The following EIF2AK4 variants were observed in gnomAD, a reference collection of about 807,000 sequenced individuals.
EIF2AK4 encodes eukaryotic translation initiation factor 2 alpha kinase 4, also known as eIF-2-alpha kinase GCN2.
In EIF2AK4, 139 loss-of-function variants were observed where a neutral mutation model predicts 211.1. That is an observed-to-expected ratio of 0.66 (90% CI 0.57 to 0.76). The LOEUF (loss-of-function observed/expected upper bound fraction) is 0.76, where lower values mean the gene tolerates loss of function less well. Ranked by LOEUF, EIF2AK4 falls within the 30% of genes least tolerant of loss-of-function variation. The pLI, the probability that EIF2AK4 is intolerant of heterozygous loss-of-function variation, is 0.00. For synonymous variants in EIF2AK4, 710 were observed against 751.3 expected (o/e 0.94, Z 0.90); for missense variants, 1,664 against 2,043.8 (o/e 0.81, Z 3.58).
At chr15:40,022,734 T>G in intron 32 of EIF2AK4, 129 bp downstream of exon 32, 1 of 741,024 alleles carries the variant, frequency 1.3e-6, no homozygotes, top group South Asian at 2.0e-5. Context: ...TTTCCATTGT[T>G]GGGTTTCTTT....
intron 1 of EIF2AK4, among the ~76,000 whole-genome samples, chr15:39,935,456 A>T (rs971575597): frequency 6.6e-6 from 1 of 152,046 alleles, no homozygotes; most frequent in African/African-American, 2.4e-5. Flanking sequence ...CAGCCTGTCA[A>T]GTACCTGGGA....
intron 13 of EIF2AK4, among the ~76,000 whole-genome samples, chr15:39,981,211 A>C (rs2140921650): frequency 6.6e-6 from 1 of 152,200 alleles, no homozygotes; most frequent in East Asian, 1.9e-4. Context: ...CTCTACTAAA[A>C]ATACAAAAAT....
rs370719364 is a variant in EIF2AK4 at position 39,973,017 on chromosome 15, G to T, written c.1660+3G>T. On this transcript the variant is annotated splice_donor_region_variant and intron_variant, in intron 10 of 38. Transcript: ENST00000263791. ...TCTAGTGGAACAAAGTCCTGAAGGT[G>T]AGTCTGTTACCTTTCTTTATTTGGT... is the stretch of plus-strand genomic sequence containing the variant. The T allele has an allele frequency of 6.2e-7, 1 of 1,611,266 alleles. No individual in the cohort carries two copies. The highest frequency in any genetic ancestry group is 8.5e-7 in the Non-Finnish European group (1 of 1,177,434).
intron 13 of EIF2AK4, among the ~76,000 whole-genome samples, chr15:39,979,807 G>T (rs1227597690): frequency 6.6e-6 from 1 of 152,128 alleles, no homozygotes; most frequent in African/African-American, 2.4e-5. Flanking sequence ...TTCAGCCACG[G>T]GACCAAAATT....
In EIF2AK4 at chr15:39,934,348, GTGGCTTGTCAGGCCCGGGC is replaced by G; in HGVS notation, c.144+14_144+32del. 2 of 1,601,750 alleles carry G rather than the reference GTGGCTTGTCAGGCCCGGGC, an allele frequency of 1.2e-6. No homozygotes were observed. Among genetic ancestry groups the G allele is most frequent in the Non-Finnish European group, 1.7e-6 (2 of 1,174,822 alleles). ...CGGACGCTTGCGGACCGGTAGGAAC[GTGGCTTGTCAGGCCCGGGC>G]TGGCGTGCCCTGGCCTCCCCGGGCC... On this transcript the variant is annotated intron_variant, in intron 1 of 38. Transcript: ENST00000263791.
rs192668890 is a variant in EIF2AK4 at position 39,992,075 on chromosome 15, C to G, written c.2632-100C>G. Reference sequence around the variant, plus strand: ...AAGCGTTATTATATTATTTTGATTTCCATGTAATATTTCCTCAGTCTTCAT... The same window carrying G: ...AAGCGTTATTATATTATTTTGATTTGCATGTAATATTTCCTCAGTCTTCAT... On this transcript the variant is annotated intron_variant, in intron 16 of 38. Coordinates refer to ENST00000263791, the MANE Select transcript of EIF2AK4 (RefSeq NM_001013703.4). 4.2e-4 allele frequency: 463 copies of G among 1,101,168 alleles called. 2 individuals are homozygous for G. Among genetic ancestry groups the G allele is most frequent in the Non-Finnish European group, 5.6e-4 (426 of 766,428 alleles). 68.2% of individuals were successfully genotyped at this position (1,101,168 alleles called of 1,614,324 possible).
intron 33 of EIF2AK4, among the ~76,000 whole-genome samples, chr15:40,026,610 A>T (rs1387480550): frequency 2.0e-5 from 3 of 152,208 alleles, no homozygotes; most frequent in African/African-American, 7.2e-5. Context: ...GCTTACATTC[A>T]ACATTTGTTC....
chr15:39,960,335 A>T (rs1409857628), intron 6 of EIF2AK4, among the ~76,000 whole-genome samples: 1 of 152,068 alleles, frequency 6.6e-6, no homozygotes, highest in East Asian at 1.9e-4. Flanking sequence ...TCCAGGAGAA[A>T]GTTGGAGATG....
intron 3 of EIF2AK4, among the ~76,000 whole-genome samples, chr15:39,945,403 C>T (rs2034213634): frequency 6.6e-6 from 1 of 152,186 alleles, no homozygotes; most frequent in Non-Finnish European, 1.5e-5. Flanking sequence ...TACGCCAAAG[C>T]ATAATCTGGA....
In EIF2AK4 at chr15:40,032,777, A is replaced by G; in HGVS notation, c.4749A>G (p.Thr1583=). 2 of 1,613,708 alleles carry G rather than the reference A, an allele frequency of 1.2e-6. No individual in the cohort carries two copies. The highest frequency in any genetic ancestry group is 1.7e-6 in the Non-Finnish European group (2 of 1,179,886). ...EILAVDLPKE[T]ILQFLSLEWD... ...CACAGGTGGATCTACCCAAAGAAAC[A>G]ATATTACAGTTTTTATCATTAGAGG... Residue 1583 remains threonine, a synonymous_variant, in exon 37 of 39, where the codon ACA becomes ACG. Coordinates refer to ENST00000263791, the MANE Select transcript of EIF2AK4 (RefSeq NM_001013703.4).
intron 19 of EIF2AK4, among the ~76,000 whole-genome samples, chr15:39,998,252 G>A (rs998479117): frequency 7.0e-6 from 1 of 143,648 alleles, no homozygotes; most frequent in South Asian, 2.2e-4. Context: ...TGGTATATGG[G>A]TGTGGTTTTT....
Position 39,948,936 on chromosome 15 carries a change from A to G in EIF2AK4, c.361-180A>G, listed in dbSNP as rs7169266. Among the ~76,000 whole-genome samples, 13,291 of 152,120 alleles carry G rather than the reference A, an allele frequency of 0.087. 1,050 individuals carry two copies. The highest frequency in any genetic ancestry group is 0.25 in the East Asian group (1,273 of 5,176). On this transcript the variant is annotated intron_variant, in intron 3 of 38. Transcript: ENST00000263791. Reference sequence around the variant, plus strand: ...ATAACACAATGCAATGGGCCCTTTAAAAGCTTTTTCCTGCTGTGATTATAT... The same window carrying G: ...ATAACACAATGCAATGGGCCCTTTAGAAGCTTTTTCCTGCTGTGATTATAT...
intron 24 of EIF2AK4, 65 bp downstream of exon 24, chr15:40,007,130 G>T: frequency 7.4e-7 from 1 of 1,357,170 alleles, no homozygotes; most frequent in South Asian, 1.2e-5. Context: ...TTGTCAACCA[G>T]GAAAGAATAT....
intron 4 of EIF2AK4, among the ~76,000 whole-genome samples, chr15:39,950,603 A>G (rs984367537): frequency 6.6e-6 from 1 of 151,802 alleles, no homozygotes; most frequent in South Asian, 2.1e-4. Context: ...AAAAAAAAAA[A>G]AAAGAAAAGA....
chr15:40,029,716 C>G (rs958204995), intron 34 of EIF2AK4, among the ~76,000 whole-genome samples: 4 of 152,182 alleles, frequency 2.6e-5, no homozygotes, highest in Non-Finnish European at 4.4e-5. Context: ...TCCTTTTACT[C>G]AATTTATTGT....
chr15:39,953,825 G>T (rs1368869197), intron 4 of EIF2AK4, 79 bp from the exon 5 acceptor site: 3 of 1,412,338 alleles, frequency 2.1e-6, no homozygotes, highest in South Asian at 2.5e-5. Flanking sequence ...AAAGTTAAAA[G>T]ATTTTTCTGT....
At chr15:39,968,832 C>T (rs1276014601) in intron 9 of EIF2AK4, among the ~76,000 whole-genome samples, 1 of 151,534 alleles carries the variant, frequency 6.6e-6, no homozygotes. Context: ...GTGAAAGTAG[C>T]TGCACCTGTG....
At chr15:39,996,126 C>T (rs2035015056) in intron 18 of EIF2AK4, among the ~76,000 whole-genome samples, 1 of 152,078 alleles carries the variant, frequency 6.6e-6, no homozygotes. Flanking sequence ...CTTTCTGTGT[C>T]TAGCTTATTT....
chr15:39,973,535 T>A lies in EIF2AK4; in HGVS notation c.1661-57T>A, dbSNP rs142673662. On this transcript the variant is annotated intron_variant, in intron 10 of 38. Coordinates refer to ENST00000263791, the MANE Select transcript of EIF2AK4 (RefSeq NM_001013703.4). ...AGGGCTTCCATCATTGTTGGCTATG[T>A]AGCTCTTCCTAAATTTCCAATGCCT... The A allele has an allele frequency of 3.6e-4, 544 of 1,517,260 alleles. 5 individuals carry two copies. The African/African-American group carries it at 6.1e-3, about 17-fold the overall frequency. The allele number at this position is 1,517,260 out of a possible 1,614,324, so 94.0% of individuals were successfully genotyped here.
Sources: allele counts gnomAD v4.1 joint callset (sites outside exome capture counted in the v4.1 genomes callset), GRCh38; gene constraint gnomAD v4.1.1; transcripts MANE v1.5; gene names NCBI Gene and HGNC (gene_info 2026-07-23, HGNC 2026-07-21).